The following THSD7A variants were observed in gnomAD, a reference collection of about 807,000 sequenced individuals.
THSD7A encodes thrombospondin type 1 domain containing 7A, also known as thrombospondin type-1 domain-containing protein 7A.
Under a neutral mutation model 231.3 loss-of-function variants are expected in THSD7A, and 96 were observed. The observed-to-expected ratio is 0.41, with a 90% CI of 0.35 to 0.49. The LOEUF (loss-of-function observed/expected upper bound fraction) is 0.49. Among genes scored for constraint, THSD7A ranks in the 20% least tolerant of loss-of-function variants. THSD7A has a pLI of 0.05. For missense variants in THSD7A, 2,290 were observed against 2,070.2 expected (o/e 1.11, Z -2.06); for synonymous variants, 940 against 743.3 (o/e 1.26, Z -4.30).
At chr7:11,659,203 A>G (rs967858661) in intron 1 of THSD7A, among the ~76,000 whole-genome samples, 16 of 151,694 alleles carry the variant, frequency 1.1e-4, no homozygotes, top group Admixed American at 4.6e-4. Flanking sequence ...TGAATGTGCT[A>G]AAAGGCACTG....
At chr7:11,428,898 T>A in intron 14 of THSD7A, 49 bp downstream of exon 14, 4 of 1,540,092 alleles carry the variant, frequency 2.6e-6, no homozygotes, top group Non-Finnish European at 3.5e-6. Context: ...AAAAATCAGA[T>A]CATTGTGAAT....
intron 1 of THSD7A, among the ~76,000 whole-genome samples, chr7:11,685,862 A>T (rs1163563796): frequency 1.3e-5 from 2 of 151,992 alleles, no homozygotes; most frequent in African/African-American, 4.8e-5. Context: ...CAGTCCCATT[A>T]CTGAGTATTA....
In THSD7A at chr7:11,469,905, G is replaced by A. The variant is rs1278032909; in HGVS notation, c.2342C>T (p.Thr781Ile). 1.2e-6 allele frequency: 2 copies of A among 1,600,466 alleles called. No homozygotes were observed. The highest frequency in any genetic ancestry group is 1.7e-6 in the Non-Finnish European group (2 of 1,172,540). ...TTCTTTACACGAAGAGGGGCATGAT[G>A]TCCAGTCACTATATGGGGTCACAAT... is the stretch of plus-strand genomic sequence containing the variant. ...DCIVTPYSDWTSCPSSCKEGD... is the reference protein window; with the variant it reads ...DCIVTPYSDWISCPSSCKEGD... The change falls in exon 9 of 28, where the codon ACA (threonine) becomes ATA (isoleucine). Residue 781 changes from threonine (T) to isoleucine (I), a missense_variant. Coordinates refer to ENST00000423059, the MANE Select transcript of THSD7A (RefSeq NM_015204.3).
intron 1 of THSD7A, among the ~76,000 whole-genome samples, chr7:11,676,335 G>A (rs1381353725): frequency 6.6e-6 from 1 of 152,108 alleles, no homozygotes; most frequent in Non-Finnish European, 1.5e-5. Flanking sequence ...GGCTGAAAAT[G>A]CCAACAACAA....
At chr7:11,724,761 G>C (rs2128154712) in intron 1 of THSD7A, among the ~76,000 whole-genome samples, 1 of 151,894 alleles carries the variant, frequency 6.6e-6, no homozygotes. Flanking sequence ...ACATATACCA[G>C]AATACACAAA....
chr7:11,651,724 A>C (rs928364401), intron 1 of THSD7A, among the ~76,000 whole-genome samples: 2 of 152,000 alleles, frequency 1.3e-5, no homozygotes, highest in African/African-American at 4.8e-5. Context: ...TAAAGGGCCA[A>C]TTATAGATCT....
chr7:11,701,394 T>C (rs1780596966), intron 1 of THSD7A, among the ~76,000 whole-genome samples: 2 of 151,292 alleles, frequency 1.3e-5, no homozygotes, highest in African/African-American at 4.8e-5. Context: ...TTTTCCTTCT[T>C]AGTTCTGCAA....
intron 6 of THSD7A, among the ~76,000 whole-genome samples, chr7:11,507,429 C>T (rs777080150): frequency 2.0e-4 from 30 of 151,914 alleles, no homozygotes; most frequent in Admixed American, 9.2e-4. Flanking sequence ...TTTGTATGCC[C>T]GAATACTATG....
At position 11,370,852 on chromosome 7, in the gene THSD7A, G is replaced by T. The variant is rs577664502; in HGVS notation, c.*4942C>A. On this transcript the variant is annotated 3_prime_UTR_variant, in exon 28 of 28. Coordinates refer to ENST00000423059, the MANE Select transcript of THSD7A (RefSeq NM_015204.3). ...CTCTTCAAATCTGTGTGATAGAAAT[G>T]GAGAAAAAAAGTACCAGAAAAGGAA... The T allele has an allele frequency of 6.6e-6, 1 of 151,972 alleles. No homozygotes were observed. The highest frequency in any genetic ancestry group is 3.4e-3 in the Middle Eastern group (1 of 294). The allele number at this position is 151,972 out of a possible 1,614,324, so 9.4% of individuals were successfully genotyped here.
intron 4 of THSD7A, among the ~76,000 whole-genome samples, chr7:11,543,990 A>C (rs1789263627): frequency 6.6e-6 from 1 of 152,128 alleles, no homozygotes; most frequent in Non-Finnish European, 1.5e-5. Flanking sequence ...CTGTCTATCT[A>C]TCTATATAAT....
At chr7:11,806,988 C>G (rs915381389) in intron 1 of THSD7A, among the ~76,000 whole-genome samples, 5 of 152,092 alleles carry the variant, frequency 3.3e-5, no homozygotes, top group Non-Finnish European at 5.9e-5. Flanking sequence ...CAATCTCTCT[C>G]TCTCTAAATA....
rs139498693 is a variant in THSD7A at position 11,792,969 on chromosome 7, T to C, written c.190+38788A>G. 7.2e-5 allele frequency among the ~76,000 whole-genome samples: 11 copies of C among 152,112 alleles called. No individual in the cohort carries two copies. In the East Asian group the frequency reaches 1.9e-3, roughly 27 times the overall value. ...ACAATTCTTGCAATATCCCATAGCATTATGACTTCAAAGCATTATACCTGT... is the reference window on the plus strand; with the variant it reads ...ACAATTCTTGCAATATCCCATAGCACTATGACTTCAAAGCATTATACCTGT... On this transcript the variant is annotated intron_variant, in intron 1 of 27. Transcript: ENST00000423059.
intron 6 of THSD7A, among the ~76,000 whole-genome samples, chr7:11,483,511 T>C (rs1008653151): frequency 2.0e-5 from 3 of 152,196 alleles, no homozygotes; most frequent in African/African-American, 7.2e-5. Context: ...TTTATTGGTG[T>C]TGGGTTTTGG....
rs147958921 is a variant in THSD7A, at chr7:11,499,142, G to A, written c.1823-17160C>T. Among the ~76,000 whole-genome samples the A allele has an allele frequency of 9.5e-3, 1,441 of 152,304 alleles. 75 individuals carry two copies. Among genetic ancestry groups the A allele is most frequent in the Admixed American group, 0.082 (1,260 of 15,292 alleles). ...AGGGCCTTATCCACACCTCCAACAA[G>A]CTGCAGTTGACCCAAGGAGAGGCGG... On this transcript the variant is annotated intron_variant, in intron 6 of 27. Coordinates refer to ENST00000423059, the MANE Select transcript of THSD7A (RefSeq NM_015204.3).
intron 3 of THSD7A, among the ~76,000 whole-genome samples, chr7:11,591,743 T>A (rs1780173235): frequency 2.0e-5 from 3 of 152,142 alleles, no homozygotes; most frequent in Admixed American, 2.0e-4. Context: ...AGCACTCAGG[T>A]CAATTATAGA....
chr7:11,593,528 T>C (rs1250174225), intron 2 of THSD7A, 26 bp from the exon 3 acceptor site: 10 of 1,607,870 alleles, frequency 6.2e-6, no homozygotes, highest in African/African-American at 4.0e-5. Flanking sequence ...GATATTCTCA[T>C]TACAGACTCA....
intron 1 of THSD7A, among the ~76,000 whole-genome samples, chr7:11,801,884 C>T (rs2128181660): frequency 6.6e-6 from 1 of 152,292 alleles, no homozygotes; most frequent in South Asian, 2.1e-4. Flanking sequence ...GGCATATTCT[C>T]ACACTGCATA....
intron 1 of THSD7A, among the ~76,000 whole-genome samples, chr7:11,785,879 T>C (rs1783773857): frequency 1.3e-5 from 2 of 152,152 alleles, no homozygotes; most frequent in African/African-American, 4.8e-5. Flanking sequence ...AAATGTGCTC[T>C]TAGGGTTAAT....
At chr7:11,449,439 T>C (rs1336347523) in intron 11 of THSD7A, among the ~76,000 whole-genome samples, 1 of 152,036 alleles carries the variant, frequency 6.6e-6, no homozygotes, top group African/African-American at 2.4e-5. Context: ...AGCTTGAGTA[T>C]TCAAGGTACA....
Sources: allele counts gnomAD v4.1 joint callset (sites outside exome capture counted in the v4.1 genomes callset), GRCh38; gene constraint gnomAD v4.1.1; transcripts MANE v1.5; gene names NCBI Gene and HGNC (gene_info 2026-07-23, HGNC 2026-07-21).